PIAS1: variants seen among roughly 807,000 people sequenced by gnomAD.
PIAS1 encodes protein inhibitor of activated STAT 1.
Under a neutral mutation model 71.3 loss-of-function variants are expected in PIAS1, and 6 were observed. The observed-to-expected ratio is 0.08, with a 90% CI of 0.05 to 0.17. The LOEUF (loss-of-function observed/expected upper bound fraction) is 0.17, where lower values mean the gene tolerates loss of function less well. PIAS1 is among the 10% of genes least tolerant of loss of function. The pLI is 1.00. For missense variants in PIAS1, 555 were observed against 793.6 expected (o/e 0.70, Z 3.61); for synonymous variants, 303 against 292.9 (o/e 1.03, Z -0.35).
At chr15:68,146,739 A>G (rs2092810823) in intron 6 of PIAS1, 39 bp downstream of exon 6, 3 of 1,516,624 alleles carry the variant, frequency 2.0e-6, no homozygotes, top group South Asian at 2.3e-5. Flanking sequence ...TTTGTATTAT[A>G]AGGAGGGGTT....
At chr15:68,144,873 C>T (rs1423084902) in intron 4 of PIAS1, among the ~76,000 whole-genome samples, 4 of 152,040 alleles carry the variant, frequency 2.6e-5, no homozygotes, top group Non-Finnish European at 4.4e-5. Context: ...GCACGATCCC[C>T]GTACTCAGAT....
intron 2 of PIAS1, among the ~76,000 whole-genome samples, chr15:68,127,548 T>A (rs1318764620): frequency 2.1e-5 from 3 of 141,546 alleles, no homozygotes; most frequent in African/African-American, 7.7e-5. Flanking sequence ...CTCATATATT[T>A]GCTTTCCAGT....
At chr15:68,095,776 C>T (rs1175820818) in intron 2 of PIAS1, among the ~76,000 whole-genome samples, 1 of 151,522 alleles carries the variant, frequency 6.6e-6, no homozygotes, top group Non-Finnish European at 1.5e-5. Flanking sequence ...GGCAGTCTGC[C>T]CACCTCGGCC....
intron 1 of PIAS1, among the ~76,000 whole-genome samples, chr15:68,064,059 A>G (rs1406311412): frequency 6.6e-6 from 1 of 152,210 alleles, no homozygotes; most frequent in Non-Finnish European, 1.5e-5. Context: ...TTGAATATCA[A>G]ATCTGATGGT....
rs1171756552 is a variant in PIAS1 at position 68,181,351 on chromosome 15, C to G, written c.1621C>G (p.Gln541Glu). ...FHMTPMPYDL[Q>E]GLDFFPFLSG... ...CATGACACCCATGCCTTACGACTTACAAGGTGAGTCACTGGTTCTTCTACA... is the reference window on the plus strand; with the variant it reads ...CATGACACCCATGCCTTACGACTTAGAAGGTGAGTCACTGGTTCTTCTACA... Residue 541 changes from glutamine (Q) to glutamate (E), a missense_variant, in exon 12 of 14, where the codon CAA becomes GAA. Transcript: ENST00000249636. The G allele has an allele frequency of 6.2e-7, 1 of 1,613,156 alleles. No individual in the cohort carries two copies. The highest frequency in any genetic ancestry group is 1.3e-5 in the African/African-American group (1 of 74,886).
chr15:68,187,052 T>C lies in PIAS1; in HGVS notation c.1663-490T>C, dbSNP rs1198039093. 6.6e-6 allele frequency among the ~76,000 whole-genome samples: 1 copy of C among 152,274 alleles called. No homozygotes were observed. The highest frequency in any genetic ancestry group is 2.4e-5 in the African/African-American group (1 of 41,476). On this transcript the variant is annotated intron_variant, in intron 13 of 13. Transcript: ENST00000249636. The surrounding 1 kb of genome is among the most constrained non-coding windows in gnomAD (Gnocchi z 5.3). Reference sequence around the variant, plus strand: ...CTTAGAGTAATCATACCCATTATCATTATGGCTTTAAAATTTAAATAAAAA... The same window carrying C: ...CTTAGAGTAATCATACCCATTATCACTATGGCTTTAAAATTTAAATAAAAA...
At position 68,142,398 on chromosome 15, in the gene PIAS1, C is replaced by T. The variant is rs375462408; in HGVS notation, c.602+61C>T. 6.1e-4 allele frequency: 736 copies of T among 1,213,430 alleles called. 2 individuals are homozygous for T. The African/African-American group carries it at 9.5e-3, about 16-fold the overall frequency. 75.2% of individuals were successfully genotyped at this position (1,213,430 alleles called of 1,614,324 possible). On this transcript the variant is annotated intron_variant, in intron 4 of 13. Transcript: ENST00000249636. ...AAAGATAATATTCCTTTTCACAGTA[C>T]GGGTCCAGTTAAGGTACAGTGCTGA...
At chr15:68,161,714 T>C (rs1470966478) in intron 7 of PIAS1, among the ~76,000 whole-genome samples, 1 of 151,972 alleles carries the variant, frequency 6.6e-6, no homozygotes. Flanking sequence ...GCAGATAACC[T>C]GAGGTTGGGA....
chr15:68,166,648 G>A (rs955235754), intron 8 of PIAS1, among the ~76,000 whole-genome samples: 2 of 152,056 alleles, frequency 1.3e-5, no homozygotes, highest in African/African-American at 4.8e-5. Flanking sequence ...GTTTATAGTT[G>A]TACTAATATA....
At chr15:68,056,585 T>G (rs981408826) in intron 1 of PIAS1, among the ~76,000 whole-genome samples, 11 of 152,162 alleles carry the variant, frequency 7.2e-5, no homozygotes, top group African/African-American at 2.7e-4. Flanking sequence ...TTTGACATGT[T>G]GGTATGTCAT....
At chr15:68,160,318 TC>T (rs1352756294) in intron 7 of PIAS1, among the ~76,000 whole-genome samples, 1 of 152,168 alleles carries the variant, frequency 6.6e-6, no homozygotes, top group Non-Finnish European at 1.5e-5. Context: ...ATTCATTTTT[TC>T]CCCCACATAG....
chr15:68,121,369 C>A (rs1417022590), intron 2 of PIAS1, among the ~76,000 whole-genome samples: 2 of 149,912 alleles, frequency 1.3e-5, no homozygotes, highest in Non-Finnish European at 3.0e-5. Context: ...GTATGCTGTT[C>A]TATATATTTC....
At chr15:68,130,193 G>A (rs1022842013) in intron 2 of PIAS1, among the ~76,000 whole-genome samples, 3 of 151,100 alleles carry the variant, frequency 2.0e-5, no homozygotes, top group Admixed American at 6.6e-5. Context: ...TTTAAAAATA[G>A]GAAAAAAGGT....
intron 2 of PIAS1, among the ~76,000 whole-genome samples, chr15:68,138,801 A>G (rs2092750915): frequency 6.6e-6 from 1 of 152,198 alleles, no homozygotes; most frequent in African/African-American, 2.4e-5. Flanking sequence ...TAAGGGTGTA[A>G]CAACCTGGGG....
intron 1 of PIAS1, among the ~76,000 whole-genome samples, chr15:68,063,100 G>A (rs149528449): frequency 6.6e-6 from 1 of 152,234 alleles, no homozygotes; most frequent in East Asian, 1.9e-4. Flanking sequence ...CTTAACAATA[G>A]GAATGAAAAC....
intron 1 of PIAS1, chr15:68,055,873 A>G: frequency 1.4e-6 from 1 of 699,372 alleles, no homozygotes; most frequent in East Asian, 2.7e-5. Flanking sequence ...TTTTCTCCTA[A>G]TAACTTCACA....
At chr15:68,142,432 T>G (rs2141048107) in intron 4 of PIAS1, 95 bp downstream of exon 4, 2 of 964,130 alleles carry the variant, frequency 2.1e-6, no homozygotes, top group South Asian at 1.5e-5. Context: ...GACTGTAGGA[T>G]ATATTCAAAG....
chr15:68,174,978 G>A lies in PIAS1; in HGVS notation c.1170-659G>A, dbSNP rs2093012794. 6.6e-6 allele frequency among the ~76,000 whole-genome samples: 1 copy of A among 152,062 alleles called. No individual in the cohort carries two copies. The highest frequency in any genetic ancestry group is 2.1e-4 in the South Asian group (1 of 4,830). ...ATAGCTTTAGGTTCTCCCATTTCTT[G>A]TTATAAAAGCCATGTACACACATAC... On this transcript the variant is annotated intron_variant, in intron 9 of 13. Coordinates refer to ENST00000249636, the MANE Select transcript of PIAS1 (RefSeq NM_016166.3). This position sits in a 1 kb window ranked among gnomAD's most constrained non-coding sequence, Gnocchi z 4.0.
intron 2 of PIAS1, among the ~76,000 whole-genome samples, chr15:68,130,578 A>G (rs111275180): frequency 0.028 from 4,315 of 151,932 alleles, 229 homozygotes; most frequent in African/African-American, 0.099. Flanking sequence ...TTTTTTGAGG[A>G]ATAAACAATT....
Sources: gnomAD v4.1 joint callset for allele counts (sites outside exome capture counted in the v4.1 genomes callset) on GRCh38, gnomAD v4.1.1 for gene constraint, Gnocchi (gnomAD v3.1) non-coding constraint, MANE v1.5 for transcripts, NCBI Gene and HGNC (gene_info 2026-07-23, HGNC 2026-07-21) for gene names.